The following RARB variants were observed in gnomAD, a reference collection of about 807,000 sequenced individuals.
The protein encoded by RARB is retinoic acid receptor beta, also known as HBV-activated protein.
A neutral mutation model predicts 51.9 loss-of-function variants in RARB; 17 were observed. That is an observed-to-expected ratio of 0.33 (90% CI 0.22 to 0.49). RARB has a LOEUF of 0.49. RARB is among the 20% of genes least tolerant of loss of function. The pLI, the probability that RARB is intolerant of heterozygous loss-of-function variation, is 0.99. For missense variants in RARB, 369 were observed against 550.8 expected, an observed-to-expected ratio of 0.67 and a Z score of 3.30; for synonymous variants, 215 against 195.4, an observed-to-expected ratio of 1.10 and a Z score of -0.84.
At chr3:25,035,346 T>C (rs1457517895) in intron 2 of RARB, among the ~76,000 whole-genome samples, 1 of 150,450 alleles carries the variant, frequency 6.6e-6, no homozygotes, top group Non-Finnish European at 1.5e-5. Flanking sequence ...GGTCTCCAAC[T>C]CCGTAGCTCA....
At chr3:25,510,679 G>A (rs955510038) in intron 3 of RARB, among the ~76,000 whole-genome samples, 1 of 152,194 alleles carries the variant, frequency 6.6e-6, no homozygotes, top group Non-Finnish European at 1.5e-5. Context: ...CTAGTTTAAT[G>A]CAGTATTTCC....
intron 5 of RARB, among the ~76,000 whole-genome samples, chr3:25,410,901 T>C (rs4681061): frequency 0.18 from 28,139 of 152,202 alleles, 3,038 homozygotes; most frequent in Admixed American, 0.31. Context: ...TTTAGGAGCA[T>C]ACTACTGGGC....
At position 25,232,978 on chromosome 3, in the gene RARB, T is replaced by TC. The variant is rs1156524575; in HGVS notation, c.178+58403_178+58404insC. Among the ~76,000 whole-genome samples the TC allele has an allele frequency of 2.1e-3, 302 of 146,716 alleles. 4 individuals carry two copies. The highest frequency in any genetic ancestry group is 7.0e-3 in the African/African-American group (278 of 39,820). The stretch of plus-strand genomic sequence containing the variant: ...TAAATGCCTTTTTTCTTTTTCTTTT[T>TC]TTTTTTTTTTTTTTTGAGACAGAGT... On this transcript the variant is annotated intron_variant, in intron 5 of 11. Transcript: ENST00000383772.
At chr3:24,838,537 T>C (rs145110622) in intron 1 of RARB, among the ~76,000 whole-genome samples, 2 of 152,306 alleles carry the variant, frequency 1.3e-5, no homozygotes, top group African/African-American at 4.8e-5. Flanking sequence ...AGCTATAAGC[T>C]TTTGGCAAAG....
chr3:25,149,736 C>T (rs917199678), intron 4 of RARB, among the ~76,000 whole-genome samples: 2 of 152,174 alleles, frequency 1.3e-5, no homozygotes, highest in African/African-American at 4.8e-5. Flanking sequence ...TCCCTCTGTC[C>T]CACCTCCCCT....
chr3:25,156,156 G>A (rs983875707), intron 4 of RARB, among the ~76,000 whole-genome samples: 2 of 152,136 alleles, frequency 1.3e-5, no homozygotes, highest in African/African-American at 2.4e-5. Context: ...ATTTCCATGT[G>A]GTGCCGAAGA....
chr3:25,183,786 G>A (rs935666344), intron 5 of RARB, among the ~76,000 whole-genome samples: 5 of 152,096 alleles, frequency 3.3e-5, no homozygotes, highest in African/African-American at 9.7e-5. Context: ...AAATTGTAAC[G>A]ATTCCTCTGT....
At chr3:24,899,682 A>G (rs1206590209) in intron 2 of RARB, among the ~76,000 whole-genome samples, 1 of 152,190 alleles carries the variant, frequency 6.6e-6, no homozygotes, top group African/African-American at 2.4e-5. Flanking sequence ...AAAAAATTGC[A>G]GATGAGCCTT....
At chr3:25,485,678 G>A (rs974894857) in intron 2 of RARB, among the ~76,000 whole-genome samples, 3 of 152,154 alleles carry the variant, frequency 2.0e-5, no homozygotes, top group Non-Finnish European at 2.9e-5. Context: ...GCAAAAGGAA[G>A]TTAAATGTAA....
chr3:25,098,638 A>G (rs139718527), intron 3 of RARB, among the ~76,000 whole-genome samples: 2 of 152,272 alleles, frequency 1.3e-5, no homozygotes, highest in African/African-American at 2.4e-5. Context: ...AGACACAGCT[A>G]TGATCATTTA....
chr3:25,589,684 GCA>G (rs1701537068), intron 5 of RARB, among the ~76,000 whole-genome samples: 1 of 152,218 alleles, frequency 6.6e-6, no homozygotes. Flanking sequence ...ATAGAGAGAT[GCA>G]CAGTTGTCTT....
At chr3:25,585,905 T>C (rs1575543649) in intron 5 of RARB, among the ~76,000 whole-genome samples, 1 of 152,162 alleles carries the variant, frequency 6.6e-6, no homozygotes, top group Non-Finnish European at 1.5e-5. Flanking sequence ...AGAGCCCACA[T>C]TCAACAGGTT....
intron 5 of RARB, among the ~76,000 whole-genome samples, chr3:25,206,491 A>T (rs570514329): frequency 6.6e-5 from 10 of 152,206 alleles, no homozygotes; most frequent in African/African-American, 1.9e-4. Context: ...TATAGTTCCA[A>T]CTCAGATCTA....
At chr3:25,386,718 CT>C (rs2125483899) in intron 5 of RARB, among the ~76,000 whole-genome samples, 1 of 152,256 alleles carries the variant, frequency 6.6e-6, no homozygotes, top group South Asian at 2.1e-4. Context: ...AGGAACCATG[CT>C]TTGATAAGGG....
At chr3:25,203,566 G>A (rs190780144) in intron 5 of RARB, among the ~76,000 whole-genome samples, 4 of 152,270 alleles carry the variant, frequency 2.6e-5, no homozygotes, top group South Asian at 2.1e-4. Flanking sequence ...GCAGTGGCTG[G>A]TACTGGTTGT....
At chr3:25,567,853 TCACA>T (rs1277361194) in intron 3 of RARB, among the ~76,000 whole-genome samples, 3 of 152,208 alleles carry the variant, frequency 2.0e-5, no homozygotes, top group South Asian at 4.2e-4. Context: ...TCCTGCGCAC[TCACA>T]CACAAGCCTT....
intron 2 of RARB, among the ~76,000 whole-genome samples, chr3:25,485,048 CAA>C (rs773739276): frequency 1.3e-5 from 2 of 152,154 alleles, no homozygotes; most frequent in Non-Finnish European, 2.9e-5. Flanking sequence ...ACGATACACT[CAA>C]AACACTCTCT....
At chr3:25,074,880 C>T (rs1698841103) in intron 3 of RARB, among the ~76,000 whole-genome samples, 1 of 152,176 alleles carries the variant, frequency 6.6e-6, no homozygotes, top group African/African-American at 2.4e-5. Context: ...AGCGCAGTGA[C>T]TTGTACGTAT....
rs35019857 is a variant in RARB at position 25,289,740 on chromosome 3, A to ATT, written c.178+115172_178+115173dup. 9.2e-5 allele frequency among the ~76,000 whole-genome samples: 14 copies of ATT among 151,982 alleles called. 1 individual carries two copies. The highest frequency in any genetic ancestry group is 5.9e-4 in the Admixed American group (9 of 15,274). On this transcript the variant is annotated intron_variant, in intron 5 of 11. Coordinates refer to the RARB transcript ENST00000383772. ...TAAAGGAGTGGGAGGAAGGCGAAGG[A>ATT]TTTTTTTTCTATCTGGGCTATTCCC...
Sources: gnomAD v4.1 joint callset for allele counts (sites outside exome capture counted in the v4.1 genomes callset) on GRCh38, gnomAD v4.1.1 for gene constraint, MANE v1.5 for transcripts, NCBI Gene and HGNC (gene_info 2026-07-23, HGNC 2026-07-21) for gene names.